NT5C1A: variants seen among roughly 807,000 people sequenced by gnomAD.
The protein encoded by NT5C1A is cytosolic 5'-nucleotidase 1A.
A neutral mutation model predicts 31.0 loss-of-function variants in NT5C1A; 18 were observed. That is an observed-to-expected ratio of 0.58 (90% CI 0.40 to 0.86). NT5C1A has a LOEUF of 0.86. Among genes scored for constraint, NT5C1A ranks in the 40% least tolerant of loss-of-function variants. The probability of loss-of-function intolerance (pLI) is 0.00; values close to 1 mark genes in which losing one functional copy is unlikely to be tolerated. For missense variants in NT5C1A, 470 were observed against 505.4 expected (o/e 0.93, Z 0.67); for synonymous variants, 185 against 203.6 (o/e 0.91, Z 0.78).
chr1:39,656,808 T>C lies in NT5C1A; in HGVS notation c.*2313A>G, dbSNP rs752906315. Among the ~76,000 whole-genome samples, 3 of 152,250 alleles carry C rather than the reference T, an allele frequency of 2.0e-5. No homozygotes were observed. Among genetic ancestry groups the C allele is most frequent in the Non-Finnish European group, 4.4e-5 (3 of 68,036 alleles). On this transcript the variant is annotated 3_prime_UTR_variant, in exon 6 of 6. Transcript: ENST00000235628. The stretch of plus-strand genomic sequence containing the variant: ...CACTGGTTCTGTGAGCCTTGGAGGC[T>C]CTTCCACGGGGGTGATTCTGACCCC...
rs1464366677 is a variant in NT5C1A at position 39,654,207 on chromosome 1, C to G, written c.*4914G>C. Among the ~76,000 whole-genome samples the G allele has an allele frequency of 6.6e-6, 1 of 152,074 alleles. No homozygotes were observed. The highest frequency in any genetic ancestry group is 1.9e-4 in the East Asian group (1 of 5,204). On this transcript the variant is annotated 3_prime_UTR_variant, in exon 6 of 6. Coordinates refer to ENST00000235628, the MANE Select transcript of NT5C1A (RefSeq NM_032526.3). Reference sequence around the variant, plus strand: ...ATGAGGGGTATTTGTGTTTATTGCTCACGTGCCTTCATGCCACAAGAAACT... The same window carrying G: ...ATGAGGGGTATTTGTGTTTATTGCTGACGTGCCTTCATGCCACAAGAAACT...
At position 39,655,134 on chromosome 1, in the gene NT5C1A, G is replaced by T. The variant is rs1646453209; in HGVS notation, c.*3987C>A. Among the ~76,000 whole-genome samples, 1 of 152,176 alleles carries T rather than the reference G, an allele frequency of 6.6e-6. No individual in the cohort carries two copies. Among genetic ancestry groups the T allele is most frequent in the Non-Finnish European group, 1.5e-5 (1 of 68,034 alleles). ...TTTTTGTATTTTTAGTAGAGACGGGGTTTCATCATGTTGGGCAGGATGGTC... is the reference window on the plus strand; with the variant it reads ...TTTTTGTATTTTTAGTAGAGACGGGTTTTCATCATGTTGGGCAGGATGGTC... On this transcript the variant is annotated 3_prime_UTR_variant, in exon 6 of 6. Coordinates refer to ENST00000235628, the MANE Select transcript of NT5C1A (RefSeq NM_032526.3).
rs1159753383 is a variant in NT5C1A, at chr1:39,661,059, T to C, written c.741+20A>G. 6.6e-7 allele frequency: 1 copy of C among 1,510,578 alleles called. No homozygotes were observed. The highest frequency in any genetic ancestry group is 1.8e-4 in the Middle Eastern group (1 of 5,664). The allele number at this position is 1,510,578 out of a possible 1,614,324, so 93.6% of individuals were successfully genotyped here. On this transcript the variant is annotated intron_variant, in intron 5 of 5. Coordinates refer to ENST00000235628, the MANE Select transcript of NT5C1A (RefSeq NM_032526.3). The stretch of plus-strand genomic sequence containing the variant: ...GAGCTGCCTTGTTCCTCTCAGGGGT[T>C]CTGGGTCTATGGGGAGCACCTGAGC...
At chr1:39,663,753 G>A (rs1184651167) in intron 3 of NT5C1A, among the ~76,000 whole-genome samples, 2 of 152,208 alleles carry the variant, frequency 1.3e-5, no homozygotes, top group East Asian at 3.9e-4. Flanking sequence ...TCTGGCCCAA[G>A]CTGGGCCAAT....
chr1:39,668,195 G>A (rs1205115260), intron 1 of NT5C1A, among the ~76,000 whole-genome samples: 1 of 152,226 alleles, frequency 6.6e-6, no homozygotes, highest in Non-Finnish European at 1.5e-5. Flanking sequence ...CTGGAAGCCT[G>A]GAGGCCTTTG....
rs555125761 is a variant in NT5C1A at position 39,667,555 on chromosome 1, T to C, written c.136-1319A>G. ...TAAATGCACCTTGCATTCTTGCCTCTCCTGATCATCCGTGGGTCATGTACT... is the reference window on the plus strand; with the variant it reads ...TAAATGCACCTTGCATTCTTGCCTCCCCTGATCATCCGTGGGTCATGTACT... On this transcript the variant is annotated intron_variant, in intron 1 of 5. Transcript: ENST00000235628. Among the ~76,000 whole-genome samples, 6 of 152,322 alleles carry C rather than the reference T, an allele frequency of 3.9e-5. No individual in the cohort carries two copies. The South Asian group carries it at 1.2e-3, about 32-fold the overall frequency.
chr1:39,671,281 AG>A (rs1239721682), intron 1 of NT5C1A, among the ~76,000 whole-genome samples: 4 of 152,198 alleles, frequency 2.6e-5, no homozygotes, highest in African/African-American at 9.7e-5. Context: ...GCCCACTGCA[AG>A]GGGAGCAGAA....
chr1:39,671,325 G>A (rs1434851467), intron 1 of NT5C1A, among the ~76,000 whole-genome samples: 1 of 152,250 alleles, frequency 6.6e-6, no homozygotes, highest in African/African-American at 2.4e-5. Context: ...AGCGCTGGGA[G>A]CCTGCGGCCA....
intron 5 of NT5C1A, 38 bp from the exon 6 acceptor site, chr1:39,659,524 C>T (rs1646479748): frequency 1.3e-6 from 2 of 1,518,810 alleles, no homozygotes; most frequent in Admixed American, 2.2e-5. Context: ...AGCTCTACCA[C>T]CTCCTAAATA....
rs768709650 is a variant in NT5C1A at position 39,661,163 on chromosome 1, G to T, written c.657C>A (p.Asp219Glu). ...GGGCCTTGACGATGCGCTCCGACTC[G>T]TCCGAGAAGAGCACGGCGTCCCCAT... Reference protein sequence around the residue: ...AFDGDAVLFSDESERIVKAHG... With the variant: ...AFDGDAVLFSEESERIVKAHG... Residue 219 changes from aspartate (D) to glutamate (E), a missense_variant, in exon 5 of 6, where the codon GAC (aspartate) becomes GAA (glutamate). Asp to Glu is a conservative substitution (Grantham distance 45). Coordinates refer to ENST00000235628, the MANE Select transcript of NT5C1A (RefSeq NM_032526.3). The T allele has an allele frequency of 6.2e-7, 1 of 1,605,198 alleles. No homozygotes were observed. The highest frequency in any genetic ancestry group is 1.7e-5 in the Admixed American group (1 of 59,962).
intron 1 of NT5C1A, among the ~76,000 whole-genome samples, chr1:39,668,764 TC>T (rs1450143334): frequency 1.3e-5 from 2 of 152,220 alleles, no homozygotes; most frequent in Non-Finnish European, 2.9e-5. Context: ...AACTGAGGTT[TC>T]TAACGGCAGG....
At chr1:39,667,588 A>G (rs1028863735) in intron 1 of NT5C1A, among the ~76,000 whole-genome samples, 1 of 152,090 alleles carries the variant, frequency 6.6e-6, no homozygotes, top group African/African-American at 2.4e-5. Flanking sequence ...ACTCAACCCC[A>G]TTTCTTCTTC....
chr1:39,671,976 G>T lies in NT5C1A; in HGVS notation c.63C>A (p.Thr21=). The T allele has an allele frequency of 6.2e-7, 1 of 1,611,718 alleles. No individual in the cohort carries two copies. Among genetic ancestry groups the T allele is most frequent in the Non-Finnish European group, 8.5e-7 (1 of 1,179,750 alleles). Residue 21 remains threonine (T), a synonymous_variant, in exon 1 of 6, where the codon ACC becomes ACA. Coordinates refer to ENST00000235628, the MANE Select transcript of NT5C1A (RefSeq NM_032526.3). The stretch of plus-strand genomic sequence containing the variant: ...CTTCCTCCCAGACCGGGGCCGCAGC[G>T]GTCTCCGCTCCTGGCCCGGGCTCGC... ...EPREPGPGAE[T]AAAPVWEEAK...
In NT5C1A at chr1:39,659,350, A is replaced by G; in HGVS notation, c.878T>C (p.Leu293Pro). The G allele has an allele frequency of 6.2e-7, 1 of 1,613,900 alleles. No individual in the cohort carries two copies. Among genetic ancestry groups the G allele is most frequent in the African/African-American group, 1.3e-5 (1 of 75,072 alleles). ...RSAASSGARA[L>P]KTLRSWGLET... is the part of the protein sequence containing the mutation. ...CAGGCCCCAGCTGCGCAGGGTCTTG[A>G]GAGCCCGGGCCCCGGAACTGGCTGC... The change falls in exon 6 of 6, where the codon CTC becomes CCC. Residue 293 changes from leucine to proline, a missense_variant. Transcript: ENST00000235628.
intron 5 of NT5C1A, 108 bp from the exon 6 acceptor site, chr1:39,659,594 C>A: frequency 1.4e-6 from 2 of 1,389,770 alleles, no homozygotes; most frequent in Non-Finnish European, 1.9e-6. Context: ...ACTTCAGGAT[C>A]CCTAAATCTT....
chr1:39,663,581 C>T, intron 3 of NT5C1A, 147 bp from the exon 4 acceptor site: 1 of 712,496 alleles, frequency 1.4e-6, no homozygotes, highest in Non-Finnish European at 2.3e-6. Context: ...CAGTGTTCCC[C>T]TCTGAGCCCC....
Position 39,655,475 on chromosome 1 carries a change from A to G in NT5C1A, c.*3646T>C, listed in dbSNP as rs1646454479. 6.6e-6 allele frequency among the ~76,000 whole-genome samples: 1 copy of G among 152,224 alleles called. No homozygotes were observed. The highest frequency in any genetic ancestry group is 1.5e-5 in the Non-Finnish European group (1 of 68,048). On this transcript the variant is annotated 3_prime_UTR_variant, in exon 6 of 6. Coordinates refer to ENST00000235628, the MANE Select transcript of NT5C1A (RefSeq NM_032526.3). ...GCACTCAAATGTATTCCAGCATTTC[A>G]CCATGCAGGAAATCAACATATTAAC... is the stretch of plus-strand genomic sequence containing the variant.
At position 39,668,432 on chromosome 1, in the gene NT5C1A, A is replaced by T. The variant is rs1646534119; in HGVS notation, c.136-2196T>A. Among the ~76,000 whole-genome samples, 4 of 152,326 alleles carry T rather than the reference A, an allele frequency of 2.6e-5. No individual in the cohort carries two copies. In the South Asian group the frequency reaches 8.3e-4, roughly 32 times the overall value. ...CTCCCTCTGGCTGAGCTACCCAGAC[A>T]GACCCCAATCCATCCCGCCCCTGGT... On this transcript the variant is annotated intron_variant, in intron 1 of 5. Transcript: ENST00000235628.
At chr1:39,665,765 A>C in intron 2 of NT5C1A, 115 bp from the exon 3 acceptor site, 1 of 1,044,196 alleles carries the variant, frequency 9.6e-7, no homozygotes. Context: ...AGATAAGTGC[A>C]CATGAACTAC....
Sources: allele counts gnomAD v4.1 joint callset (sites outside exome capture counted in the v4.1 genomes callset), GRCh38; gene constraint gnomAD v4.1.1; transcripts MANE v1.5; gene names NCBI Gene and HGNC (gene_info 2026-07-23, HGNC 2026-07-21).